Variants in CACNA2D3 observed in about 807,000 individuals in gnomAD.
CACNA2D3 encodes calcium voltage-gated channel auxiliary subunit alpha2delta 3.
A neutral mutation model predicts 160.6 loss-of-function variants in CACNA2D3; 60 were observed. The ratio of observed to expected loss-of-function variants is 0.37; its 90% CI spans 0.30 to 0.46. The LOEUF is 0.46. Ranked by LOEUF, CACNA2D3 falls within the 20% of genes least tolerant of loss-of-function variation. The pLI, the probability that CACNA2D3 is intolerant of heterozygous loss-of-function variation, is 1.00. For missense variants in CACNA2D3, 1,205 were observed against 1,365.0 expected (o/e 0.88, Z 1.85); for synonymous variants, 558 against 492.9 (o/e 1.13, Z -1.75).
rs566514661 is a variant in CACNA2D3 at position 54,835,212 on chromosome 3, A to C, written c.1399-1947A>C. Among the ~76,000 whole-genome samples, 39 of 152,296 alleles carry C rather than the reference A, an allele frequency of 2.6e-4. 2 individuals carry two copies. In the South Asian group the frequency reaches 7.0e-3, roughly 28 times the overall value. ...ATATCCATGTAAAACTTATAAAAGC[A>C]TGGCCCCCTCCACCCCTGTTGGGAG... On this transcript the variant is annotated intron_variant, in intron 14 of 37. Coordinates refer to ENST00000474759, the MANE Select transcript of CACNA2D3 (RefSeq NM_018398.3).
At chr3:55,051,973 G>T (rs1392188382) in intron 35 of CACNA2D3, among the ~76,000 whole-genome samples, 1 of 152,084 alleles carries the variant, frequency 6.6e-6, no homozygotes, top group African/African-American at 2.4e-5. Context: ...CTCGTGCACG[G>T]TGCACACACC....
chr3:55,065,735 A>G (rs1179034724), intron 35 of CACNA2D3, among the ~76,000 whole-genome samples: 1 of 151,786 alleles, frequency 6.6e-6, no homozygotes, highest in Non-Finnish European at 1.5e-5. Flanking sequence ...AAGGAAAGGA[A>G]GGAAAGGGAA....
At chr3:54,265,048 TG>T (rs1260663400) in intron 2 of CACNA2D3, among the ~76,000 whole-genome samples, 1 of 152,180 alleles carries the variant, frequency 6.6e-6, no homozygotes, top group Non-Finnish European at 1.5e-5. Context: ...TAAACATACT[TG>T]TGCATGTGTC....
chr3:54,320,590 C>T (rs1703964784), intron 3 of CACNA2D3, 32 bp downstream of exon 3: 1 of 1,274,274 alleles, frequency 7.8e-7, no homozygotes, highest in African/African-American at 1.5e-5. Context: ...CCTGTATCGC[C>T]TGAAGGCACA....
intron 9 of CACNA2D3, among the ~76,000 whole-genome samples, chr3:54,615,343 C>T (rs888916209): frequency 3.3e-5 from 5 of 152,164 alleles, no homozygotes; most frequent in Admixed American, 6.5e-5. Flanking sequence ...GTAGTCAAAT[C>T]TGAATCCAAT....
At chr3:55,053,708 A>G (rs1414884617) in intron 35 of CACNA2D3, among the ~76,000 whole-genome samples, 2 of 151,992 alleles carry the variant, frequency 1.3e-5, no homozygotes, top group South Asian at 2.1e-4. Flanking sequence ...TCCTACAAAT[A>G]TGGACATACG....
chr3:54,696,670 A>C (rs554190945), intron 11 of CACNA2D3, among the ~76,000 whole-genome samples: 1 of 152,156 alleles, frequency 6.6e-6, no homozygotes, highest in African/African-American at 2.4e-5. Flanking sequence ...TACCATCATC[A>C]CATTACTTAG....
intron 27 of CACNA2D3, among the ~76,000 whole-genome samples, chr3:54,910,770 A>G (rs1475278196): frequency 6.6e-6 from 1 of 152,180 alleles, no homozygotes; most frequent in Admixed American, 6.5e-5. Context: ...ATTAGATGCC[A>G]GGCTGAAGTC....
chr3:54,495,812 C>G (rs1701194057), intron 4 of CACNA2D3, among the ~76,000 whole-genome samples: 1 of 152,148 alleles, frequency 6.6e-6, no homozygotes, highest in African/African-American at 2.4e-5. Flanking sequence ...TTGTGTACCT[C>G]TCTAGTTGAC....
chr3:55,041,404 C>T (rs889344199), intron 35 of CACNA2D3, among the ~76,000 whole-genome samples: 1 of 152,172 alleles, frequency 6.6e-6, no homozygotes, highest in African/African-American at 2.4e-5. Context: ...ACCTGTTACT[C>T]TTTAGACTTG....
intron 9 of CACNA2D3, among the ~76,000 whole-genome samples, chr3:54,582,821 T>G (rs1702700052): frequency 6.6e-6 from 1 of 152,158 alleles, no homozygotes; most frequent in African/African-American, 2.4e-5. Flanking sequence ...AGCACTTAAT[T>G]TAGGTATGTT....
At chr3:55,073,731 A>T (rs1341443602) in intron 36 of CACNA2D3, 46 bp from the exon 37 acceptor site, 2 of 1,510,382 alleles carry the variant, frequency 1.3e-6, no homozygotes, top group African/African-American at 2.8e-5. Context: ...TGAAATGCAG[A>T]GTAGAAAAAA....
intron 5 of CACNA2D3, among the ~76,000 whole-genome samples, chr3:54,512,225 G>A (rs1285000988): frequency 6.6e-6 from 1 of 152,174 alleles, no homozygotes; most frequent in Non-Finnish European, 1.5e-5. Context: ...TGTGTGGTAT[G>A]AATGTGAATA....
chr3:54,233,047 G>A (rs940822085), intron 2 of CACNA2D3, among the ~76,000 whole-genome samples: 13 of 152,130 alleles, frequency 8.5e-5, no homozygotes, highest in East Asian at 1.9e-4. Flanking sequence ...CAAATATGGC[G>A]GGCTAAGGAG....
intron 13 of CACNA2D3, among the ~76,000 whole-genome samples, chr3:54,802,324 G>C (rs1308311577): frequency 6.6e-6 from 1 of 152,098 alleles, no homozygotes; most frequent in Non-Finnish European, 1.5e-5. Flanking sequence ...CAAGGAGAAG[G>C]ATATTCAGAG....
intron 2 of CACNA2D3, among the ~76,000 whole-genome samples, chr3:54,240,286 A>G (rs1243291517): frequency 6.6e-6 from 1 of 152,142 alleles, no homozygotes; most frequent in Non-Finnish European, 1.5e-5. Flanking sequence ...GGCAGATCCC[A>G]TTCGTTGGTT....
intron 27 of CACNA2D3, chr3:54,927,769 CAG>C: frequency 1.1e-6 from 1 of 939,232 alleles, no homozygotes. Flanking sequence ...TCATTCCATG[CAG>C]AGACATTTTT....
intron 2 of CACNA2D3, among the ~76,000 whole-genome samples, chr3:54,277,179 T>A (rs534203276): frequency 1.3e-5 from 2 of 152,220 alleles, no homozygotes; most frequent in Non-Finnish European, 2.9e-5. Flanking sequence ...GTCTGCCCTT[T>A]CCTCCCTTTT....
At chr3:54,368,195 T>G (rs1171014772) in intron 3 of CACNA2D3, among the ~76,000 whole-genome samples, 1 of 152,184 alleles carries the variant, frequency 6.6e-6, no homozygotes, top group Non-Finnish European at 1.5e-5. Context: ...GTAACATTCA[T>G]CGTACCAAGT....
Sources: allele counts gnomAD v4.1 joint callset (sites outside exome capture counted in the v4.1 genomes callset), GRCh38; gene constraint gnomAD v4.1.1; transcripts MANE v1.5; gene names NCBI Gene and HGNC (gene_info 2026-07-23, HGNC 2026-07-21).